The following COL4A5 variants were observed in gnomAD, a reference collection of about 807,000 sequenced individuals.
COL4A5 encodes collagen alpha-5(IV) chain.
A neutral mutation model predicts 130.2 loss-of-function variants in COL4A5; 26 were observed. The ratio of observed to expected loss-of-function variants is 0.20; its 90% CI spans 0.15 to 0.28. The LOEUF (loss-of-function observed/expected upper bound fraction) is 0.28. Among genes scored for constraint, COL4A5 ranks in the 10% least tolerant of loss-of-function variants. COL4A5 has a pLI of 1.00. For synonymous variants in COL4A5, 496 were observed against 439.6 expected (o/e 1.13, Z -1.60); for missense variants, 1,131 against 1,344.3 (o/e 0.84, Z 2.48).
At position 108,696,484 on chromosome X, in the gene COL4A5, T is replaced by C; in HGVS notation, c.*106T>C. The C allele has an allele frequency of 1.7e-6, 1 of 575,889 alleles. No individual in the cohort carries two copies. Among genetic ancestry groups the C allele is most frequent in the Non-Finnish European group, 2.9e-6 (1 of 345,162 alleles). The allele number at this position is 575,889 out of a possible 1,213,427, so 47.5% of individuals were successfully genotyped here. ...CCAACTTTACTACTGCTGCCGTCAA[T>C]GGTGCTACTATATATGATCAAGATA... On this transcript the variant is annotated 3_prime_UTR_variant, in exon 53 of 53. Transcript: ENST00000328300.
chrX:108,548,500 A>G (rs1450440871), intron 2 of COL4A5, among the ~76,000 whole-genome samples: 1 of 111,347 alleles, frequency 9.0e-6, no homozygotes, highest in Admixed American at 9.6e-5. Context: ...ATACAAATAT[A>G]AATGGAGTCC....
chrX:108,677,654 T>C (rs1470306207), intron 44 of COL4A5, 21 bp downstream of exon 44: 2 of 1,204,372 alleles, frequency 1.7e-6, no homozygotes, highest in Non-Finnish European at 2.2e-6. Context: ...GAAGTAGATA[T>C]CTGATGAGAG....
intron 49 of COL4A5, among the ~76,000 whole-genome samples, chrX:108,688,184 C>T (rs2147992241): frequency 8.9e-6 from 1 of 111,779 alleles, no homozygotes; most frequent in African/African-American, 3.3e-5. Context: ...AGTGCCTTAG[C>T]TTTATAAAGT....
intron 43 of COL4A5, 132 bp downstream of exon 43, chrX:108,674,885 T>A: frequency 1.6e-6 from 1 of 608,936 alleles, no homozygotes. Flanking sequence ...GCTGGGGTTT[T>A]AACATTTTGA....
At chrX:108,658,720 C>T (rs2067893845) in intron 37 of COL4A5, among the ~76,000 whole-genome samples, 1 of 111,062 alleles carries the variant, frequency 9.0e-6, no homozygotes, top group African/African-American at 3.3e-5. Context: ...CTTGTTTTGT[C>T]CCTTTAATTT....
chrX:108,680,977 T>C (rs1365509441), intron 46 of COL4A5, 21 bp downstream of exon 46: 1 of 1,135,169 alleles, frequency 8.8e-7, no homozygotes, highest in Non-Finnish European at 1.2e-6. Flanking sequence ...TTCCTGAAGA[T>C]AGTTATACCT....
chrX:108,514,237 C>G (rs765136445), intron 1 of COL4A5, among the ~76,000 whole-genome samples: 1 of 112,166 alleles, frequency 8.9e-6, no homozygotes, highest in Non-Finnish European at 1.9e-5. Flanking sequence ...ATAATCAATG[C>G]CTTCATCTTT....
intron 1 of COL4A5, among the ~76,000 whole-genome samples, chrX:108,526,593 CTCCTTTCTTTCTTTCTTTCTTTCT>C (rs1261541582): frequency 1.1e-4 from 5 of 45,114 alleles, no homozygotes; most frequent in East Asian, 7.0e-4. Flanking sequence ...CCCTCCCTCC[CTCCTTTCTTTCTTTCTTTCTTTCT>C]TTCTTTCTTT....
Position 108,591,069 on chromosome X carries a change from A to G in COL4A5, c.1177A>G (p.Met393Val). Residue 393 changes from methionine (M) to valine (V), a missense_variant, in exon 20 of 53, where the codon ATG (methionine) becomes GTG (valine). Transcript: ENST00000328300. ...GLPGPPGAAV[M>V]GPPGPPGFPG... ...TTTTTGAATCTTAGGGGCTGCAGTT[A>G]TGGGTCCTCCTGGCCCTCCTGGATT... 4.1e-6 allele frequency: 5 copies of G among 1,209,910 alleles called. No homozygotes were observed. Among genetic ancestry groups the G allele is most frequent in the Non-Finnish European group, 5.6e-6 (5 of 894,996 alleles).
chrX:108,580,413 C>T, intron 13 of COL4A5, 120 bp from the exon 14 acceptor site: 1 of 630,241 alleles, frequency 1.6e-6, no homozygotes, highest in Admixed American at 2.2e-5. Context: ...CCATGTTGCT[C>T]CAACATAGAT....
At chrX:108,452,220 G>T (rs1357904769) in intron 1 of COL4A5, among the ~76,000 whole-genome samples, 7 of 111,730 alleles carry the variant, frequency 6.3e-5, no homozygotes, top group African/African-American at 9.7e-5. Flanking sequence ...CTGTTTTGGT[G>T]ACTGTAGCCT....
chrX:108,637,445 A>G (rs910020932), intron 36 of COL4A5, among the ~76,000 whole-genome samples: 4 of 111,902 alleles, frequency 3.6e-5, no homozygotes, highest in African/African-American at 1.3e-4. Flanking sequence ...AATAAAGATT[A>G]GAGCAGAGAT....
chrX:108,688,993 G>A (rs1213488901), intron 49 of COL4A5, among the ~76,000 whole-genome samples: 1 of 111,521 alleles, frequency 9.0e-6, no homozygotes, highest in Admixed American at 9.5e-5. Flanking sequence ...GTAAGTCAGT[G>A]GTCATAGGCC....
At chrX:108,607,735 G>A (rs1462043782) in intron 29 of COL4A5, among the ~76,000 whole-genome samples, 1 of 111,152 alleles carries the variant, frequency 9.0e-6, no homozygotes, top group Non-Finnish European at 1.9e-5. Context: ...GCCCGCCTCG[G>A]CCTCTCAAAG....
intron 1 of COL4A5, among the ~76,000 whole-genome samples, chrX:108,481,749 G>C (rs1321020829): frequency 9.0e-6 from 1 of 111,703 alleles, no homozygotes; most frequent in Non-Finnish European, 1.9e-5. Flanking sequence ...TTGAGTGACT[G>C]CAGTTCCCAC....
chrX:108,509,926 T>A (rs912526313), intron 1 of COL4A5, among the ~76,000 whole-genome samples: 1 of 112,285 alleles, frequency 8.9e-6, no homozygotes, highest in Non-Finnish European at 1.9e-5. Flanking sequence ...CAGTGACAGA[T>A]TACATAAAGA....
chrX:108,625,633 A>G (rs1271221759), intron 34 of COL4A5, 72 bp from the exon 35 acceptor site: 20 of 633,144 alleles, frequency 3.2e-5, no homozygotes, highest in Non-Finnish European at 4.8e-5. Flanking sequence ...TTTAATGACT[A>G]TCCATTCCCA....
chrX:108,481,058 A>G (rs2064885011), intron 1 of COL4A5, among the ~76,000 whole-genome samples: 1 of 111,333 alleles, frequency 9.0e-6, no homozygotes, highest in Non-Finnish European at 1.9e-5. Context: ...GCATTCCAGA[A>G]CTGGGGAAAT....
At chrX:108,452,894 G>C (rs879235482) in intron 1 of COL4A5, among the ~76,000 whole-genome samples, 1 of 110,899 alleles carries the variant, frequency 9.0e-6, no homozygotes, top group Non-Finnish European at 1.9e-5. Context: ...GGGCATCCCT[G>C]TCTTGTGCCA....
Sources: allele counts gnomAD v4.1 joint callset (sites outside exome capture counted in the v4.1 genomes callset), GRCh38; gene constraint gnomAD v4.1.1; transcripts MANE v1.5; gene names NCBI Gene and HGNC (gene_info 2026-07-23, HGNC 2026-07-21).